Variants in PBX1 observed in about 807,000 individuals in gnomAD.
PBX1 encodes PBX homeobox 1, also known as pre-B-cell leukemia transcription factor 1.
A neutral mutation model predicts 53.4 loss-of-function variants in PBX1; 6 were observed. That is an observed-to-expected ratio of 0.11 (90% CI 0.06 to 0.22). The LOEUF (loss-of-function observed/expected upper bound fraction) is 0.22, where lower values mean the gene tolerates loss of function less well. Among genes scored for constraint, PBX1 ranks in the 10% least tolerant of loss-of-function variants. The probability of loss-of-function intolerance (pLI) is 1.00; values close to 1 mark genes in which losing one functional copy is unlikely to be tolerated. For missense variants in PBX1, 251 were observed against 551.4 expected (o/e 0.46, Z 5.46); for synonymous variants, 204 against 212.3 (o/e 0.96, Z 0.34).
intron 2 of PBX1, chr1:164,682,543 G>A (rs1661843416): frequency 6.6e-6 from 1 of 151,698 alleles, no homozygotes; most frequent in Non-Finnish European, 1.5e-5. Context: ...TCATTTAATA[G>A]TTGCTGTTTT....
intron 2 of PBX1, among the ~76,000 whole-genome samples, chr1:164,690,176 C>T (rs1662380919): frequency 6.6e-6 from 1 of 152,126 alleles, no homozygotes; most frequent in Admixed American, 6.5e-5. Context: ...TCTCCAGTGT[C>T]TGGAGGCCGC....
intron 2 of PBX1, among the ~76,000 whole-genome samples, chr1:164,650,663 G>T (rs6426874): frequency 0.44 from 67,204 of 151,916 alleles, 16,070 homozygotes; most frequent in East Asian, 0.53. Flanking sequence ...ACCTGTCTTT[G>T]TCTCTTGACA....
intron 8 of PBX1, among the ~76,000 whole-genome samples, chr1:164,846,252 G>A (rs1289590250): frequency 3.9e-5 from 6 of 152,172 alleles, no homozygotes; most frequent in Non-Finnish European, 8.8e-5. Flanking sequence ...GTTGTTGCCA[G>A]AGCCAGAACC....
chr1:164,607,571 A>C (rs1412318091), intron 2 of PBX1, among the ~76,000 whole-genome samples: 3 of 152,166 alleles, frequency 2.0e-5, no homozygotes, highest in Non-Finnish European at 4.4e-5. Context: ...TCCAGGAGGC[A>C]GTTGGAAATA....
chr1:164,788,085 G>T (rs976775316), intron 2 of PBX1, among the ~76,000 whole-genome samples: 1 of 152,062 alleles, frequency 6.6e-6, no homozygotes, highest in Non-Finnish European at 1.5e-5. Context: ...GAAGAGATGA[G>T]GGGGAGGGAG....
At chr1:164,652,515 T>C (rs1039662732) in intron 2 of PBX1, among the ~76,000 whole-genome samples, 4 of 152,072 alleles carry the variant, frequency 2.6e-5, no homozygotes, top group African/African-American at 9.7e-5. Flanking sequence ...AAATGAGGGA[T>C]AGAGATGTTA....
At chr1:164,854,945 CTTTTTTT>C (rs539213655), downstream of PBX1, among the ~76,000 whole-genome samples, 12 of 116,362 alleles carry the variant, frequency 1.0e-4, no homozygotes, top group Non-Finnish European at 1.9e-4. Flanking sequence ...CTCTCTCTCT[CTTTTTTT>C]TTTTTTTTTT....
intron 2 of PBX1, among the ~76,000 whole-genome samples, chr1:164,868,509 C>T (rs1344233484): frequency 6.6e-6 from 1 of 152,170 alleles, no homozygotes; most frequent in African/African-American, 2.4e-5. Flanking sequence ...ACCTCTGAAA[C>T]CTGGTTGATT....
chr1:164,622,941 A>G lies in PBX1; in HGVS notation c.265+59630A>G, dbSNP rs545065084. Among the ~76,000 whole-genome samples the G allele has an allele frequency of 9.2e-5, 14 of 151,420 alleles. No homozygotes were observed. The South Asian group carries it at 2.5e-3, about 27-fold the overall frequency. ...GCAATTCTCCTGCCTCAGCCTCCCA[A>G]GTAGCTGGGACTACAGGCACGTGCC... On this transcript the variant is annotated intron_variant, in intron 2 of 8. Coordinates refer to ENST00000420696, the MANE Select transcript of PBX1 (RefSeq NM_002585.4).
rs571376266 is a variant in PBX1 at position 164,878,181 on chromosome 1, G to A, written n.258-21007G>A. On this transcript the variant is annotated intron_variant and non_coding_transcript_variant, in intron 2 of 2. Transcript: ENST00000558796. ...TCATTTGTTATCTGTGTGCCAAATG[G>A]CAAGTTTCTTAATCTGTCTGAGGCT... Among the ~76,000 whole-genome samples the A allele has an allele frequency of 2.0e-5, 3 of 152,228 alleles. No individual in the cohort carries two copies. The East Asian group carries it at 5.8e-4, about 29-fold the overall frequency.
chr1:164,656,918 T>G (rs1261525438), intron 2 of PBX1, among the ~76,000 whole-genome samples: 1 of 152,158 alleles, frequency 6.6e-6, no homozygotes, highest in Non-Finnish European at 1.5e-5. Flanking sequence ...AGTTTATACA[T>G]GGGTTGACTG....
chr1:164,708,484 T>A (rs936902977), intron 2 of PBX1, among the ~76,000 whole-genome samples: 2 of 152,224 alleles, frequency 1.3e-5, no homozygotes, highest in African/African-American at 4.8e-5. Flanking sequence ...TGGGCTTCTA[T>A]TGAATCCCTC....
In PBX1 at chr1:164,559,695, T is replaced by TC. The variant is rs1652881267; in HGVS notation, c.-123dup. The TC allele has an allele frequency of 3.2e-6, 2 of 629,398 alleles. No homozygotes were observed. Among genetic ancestry groups the TC allele is most frequent in the Non-Finnish European group, 5.1e-6 (2 of 395,104 alleles). The allele number at this position is 629,398 out of a possible 1,614,324, so 39.0% of individuals were successfully genotyped here. ...TTTTTTTTCTTTTGGTCTTCTTTTT[T>TC]CCCCCTTCCCTGTTTATCCTGAAAA... On this transcript the variant is annotated 5_prime_UTR_variant, in exon 1 of 9. Coordinates refer to ENST00000420696, the MANE Select transcript of PBX1 (RefSeq NM_002585.4).
At chr1:164,840,862 T>C (rs552805518) in intron 8 of PBX1, among the ~76,000 whole-genome samples, 6 of 152,108 alleles carry the variant, frequency 3.9e-5, no homozygotes, top group Non-Finnish European at 8.8e-5. Flanking sequence ...TATTTACATA[T>C]AGTTGGAATG....
chr1:164,713,252 G>A (rs939689208), intron 2 of PBX1, among the ~76,000 whole-genome samples: 5 of 152,174 alleles, frequency 3.3e-5, no homozygotes, highest in Admixed American at 1.3e-4. Flanking sequence ...AGCCAAACCT[G>A]TAACTAGCCT....
At chr1:164,611,897 G>A (rs1656960818) in intron 2 of PBX1, among the ~76,000 whole-genome samples, 1 of 152,100 alleles carries the variant, frequency 6.6e-6, no homozygotes, top group African/African-American at 2.4e-5. Flanking sequence ...AGAGCTGACA[G>A]CCTGCAACAA....
rs1430117912 is a variant in PBX1, at chr1:164,826,157, T to C, written c.1200+4531T>C. Among the ~76,000 whole-genome samples, 10 of 152,214 alleles carry C rather than the reference T, an allele frequency of 6.6e-5. No individual in the cohort carries two copies. In the East Asian group the frequency reaches 1.9e-3, roughly 29 times the overall value. On this transcript the variant is annotated intron_variant, in intron 8 of 8. Coordinates refer to ENST00000420696, the MANE Select transcript of PBX1 (RefSeq NM_002585.4). ...CAACAGCTCTAGAATTCTACATTTA[T>C]GATCTTTGATTCATTGTTAGCTCAA...
chr1:164,686,826 G>A (rs1040673717), intron 2 of PBX1, among the ~76,000 whole-genome samples: 13 of 151,912 alleles, frequency 8.6e-5, no homozygotes, highest in African/African-American at 2.2e-4. Context: ...GTGTGGTGGC[G>A]GGCGCCTGTA....
At chr1:164,686,803 A>C (rs1240311600) in intron 2 of PBX1, among the ~76,000 whole-genome samples, 2 of 152,022 alleles carry the variant, frequency 1.3e-5, no homozygotes, top group African/African-American at 4.8e-5. Context: ...CTAAAAATAC[A>C]AAAATTAGCC....
Sources: allele counts gnomAD v4.1 joint callset (sites outside exome capture counted in the v4.1 genomes callset), GRCh38; gene constraint gnomAD v4.1.1; transcripts MANE v1.5; gene names NCBI Gene and HGNC (gene_info 2026-07-23, HGNC 2026-07-21).